RBFOX1: variants seen among roughly 807,000 people sequenced by gnomAD.
RBFOX1 encodes the protein RNA binding protein fox-1 homolog 1.
In RBFOX1, 8 loss-of-function variants were observed where a neutral mutation model predicts 57.7. The observed-to-expected ratio is 0.14, with a 90% CI of 0.08 to 0.25. The LOEUF is 0.25. Ranked by LOEUF, RBFOX1 falls within the 10% of genes least tolerant of loss-of-function variation. The probability of loss-of-function intolerance (pLI) is 1.00; values close to 1 mark genes in which losing one functional copy is unlikely to be tolerated. For synonymous variants in RBFOX1, 326 were observed against 222.4 expected (o/e 1.47, Z -4.15); for missense variants, 611 against 548.5 (o/e 1.11, Z -1.14).
At chr16:6,798,678 T>A (rs1334027909) in intron 3 of RBFOX1, among the ~76,000 whole-genome samples, 1 of 152,202 alleles carries the variant, frequency 6.6e-6, no homozygotes, top group African/African-American at 2.4e-5. Flanking sequence ...ATTTTGTGCT[T>A]TTCACTAATT....
intron 4 of RBFOX1, among the ~76,000 whole-genome samples, chr16:7,173,178 T>G (rs1347886617): frequency 1.3e-5 from 2 of 152,234 alleles, no homozygotes; most frequent in Non-Finnish European, 2.9e-5. Context: ...ATCATACAAC[T>G]GTTTTATTAT....
intron 1 of RBFOX1, among the ~76,000 whole-genome samples, chr16:5,316,943 G>T (rs1259726855): frequency 2.0e-5 from 3 of 152,122 alleles, no homozygotes; most frequent in Admixed American, 6.5e-5. Context: ...GTAAAGGAAG[G>T]GTGAACTCTT....
intron 3 of RBFOX1, among the ~76,000 whole-genome samples, chr16:6,932,661 C>G (rs564191188): frequency 6.6e-6 from 1 of 152,250 alleles, no homozygotes; most frequent in Admixed American, 6.5e-5. Flanking sequence ...GAGAGTTGCA[C>G]CAGATTCTGA....
At chr16:7,583,790 G>T (rs2093950218) in intron 6 of RBFOX1, among the ~76,000 whole-genome samples, 1 of 152,052 alleles carries the variant, frequency 6.6e-6, no homozygotes, top group African/African-American at 2.4e-5. Context: ...AGACCAGCCT[G>T]CGCAACATAG....
intron 4 of RBFOX1, among the ~76,000 whole-genome samples, chr16:7,484,004 C>G (rs1599629786): frequency 1.3e-5 from 2 of 152,080 alleles, no homozygotes; most frequent in South Asian, 2.1e-4. Flanking sequence ...CTATTCTGCC[C>G]CCCCATTCCC....
intron 3 of RBFOX1, among the ~76,000 whole-genome samples, chr16:5,757,049 G>A (rs1253364265): frequency 6.6e-6 from 1 of 152,068 alleles, no homozygotes; most frequent in African/African-American, 2.4e-5. Flanking sequence ...GCAAAGGATG[G>A]GGGAGTTCTG....
intron 1 of RBFOX1, among the ~76,000 whole-genome samples, chr16:6,092,039 C>T (rs139285646): frequency 6.0e-4 from 92 of 152,306 alleles, no homozygotes; most frequent in Middle Eastern, 6.8e-3. Context: ...ACCTATCCAT[C>T]CGTCCTCCTT....
intron 2 of RBFOX1, among the ~76,000 whole-genome samples, chr16:6,468,252 G>A (rs554735708): frequency 2.0e-5 from 3 of 152,226 alleles, no homozygotes; most frequent in South Asian, 2.1e-4. Context: ...CACAGTTTAC[G>A]TTTTTGACTT....
chr16:5,620,325 A>G (rs2048165470), intron 3 of RBFOX1, among the ~76,000 whole-genome samples: 1 of 152,094 alleles, frequency 6.6e-6, no homozygotes, highest in Non-Finnish European at 1.5e-5. Context: ...ATCTCTACAC[A>G]TGGTGTGGAG....
chr16:7,447,355 C>T (rs1486970572), intron 4 of RBFOX1, among the ~76,000 whole-genome samples: 1 of 149,372 alleles, frequency 6.7e-6, no homozygotes, highest in African/African-American at 2.5e-5. Context: ...ATTGCTTGAG[C>T]CTGGGAGACG....
intron 3 of RBFOX1, among the ~76,000 whole-genome samples, chr16:6,749,262 C>G (rs561249081): frequency 2.0e-5 from 3 of 152,256 alleles, no homozygotes; most frequent in Admixed American, 2.0e-4. Context: ...CTGGGTTCCT[C>G]ATTGGTACAG....
intron 4 of RBFOX1, among the ~76,000 whole-genome samples, chr16:7,357,413 G>C (rs1329548321): frequency 6.6e-6 from 1 of 152,162 alleles, no homozygotes; most frequent in Non-Finnish European, 1.5e-5. Flanking sequence ...GAGCAGAGTG[G>C]TGGTGAGGTG....
intron 3 of RBFOX1, among the ~76,000 whole-genome samples, chr16:7,037,299 C>T (rs1356814166): frequency 3.5e-5 from 5 of 143,310 alleles, no homozygotes; most frequent in Non-Finnish European, 6.0e-5. Context: ...GAGTGTGCAC[C>T]GGCACAATCT....
chr16:6,043,252 G>A (rs943667940), intron 1 of RBFOX1, among the ~76,000 whole-genome samples: 2 of 148,246 alleles, frequency 1.3e-5, no homozygotes, highest in African/African-American at 2.5e-5. Flanking sequence ...TAGATGTCTT[G>A]TTTTCAGATC....
intron 3 of RBFOX1, among the ~76,000 whole-genome samples, chr16:6,659,587 C>G (rs575949131): frequency 6.6e-6 from 1 of 152,262 alleles, no homozygotes; most frequent in Admixed American, 6.5e-5. Flanking sequence ...TGCCTGAGAT[C>G]ACTCAAGCAT....
At chr16:6,934,676 G>T (rs1462105378) in intron 3 of RBFOX1, among the ~76,000 whole-genome samples, 1 of 151,148 alleles carries the variant, frequency 6.6e-6, no homozygotes, top group African/African-American at 2.5e-5. Flanking sequence ...ACTCATATGT[G>T]GGAGTTAAAA....
At chr16:6,568,276 C>A (rs746836632) in intron 2 of RBFOX1, among the ~76,000 whole-genome samples, 1 of 152,068 alleles carries the variant, frequency 6.6e-6, no homozygotes, top group Non-Finnish European at 1.5e-5. Flanking sequence ...CTGGGGCAGC[C>A]GTCAGTGACA....
At chr16:6,937,242 C>T (rs1432242238) in intron 3 of RBFOX1, among the ~76,000 whole-genome samples, 4 of 152,052 alleles carry the variant, frequency 2.6e-5, no homozygotes, top group Non-Finnish European at 5.9e-5. Flanking sequence ...CCTGGGTACT[C>T]AGATACCCAG....
At chr16:5,562,566 A>G (rs1393552638) in intron 2 of RBFOX1, among the ~76,000 whole-genome samples, 1 of 152,030 alleles carries the variant, frequency 6.6e-6, no homozygotes, top group African/African-American at 2.4e-5. Flanking sequence ...AGGATTACCC[A>G]CTATGGCAGA....
Sources: gnomAD v4.1 joint callset for allele counts (sites outside exome capture counted in the v4.1 genomes callset) on GRCh38, gnomAD v4.1.1 for gene constraint, MANE v1.5 for transcripts, NCBI Gene and HGNC (gene_info 2026-07-23, HGNC 2026-07-21) for gene names.